The following KCNJ15 variants were observed in gnomAD, a reference collection of about 807,000 sequenced individuals.
KCNJ15 encodes the protein potassium inwardly rectifying channel subfamily J member 15, also known as ATP-sensitive inward rectifier potassium channel 15.
Under a neutral mutation model 23.0 loss-of-function variants are expected in KCNJ15, and 14 were observed. The observed-to-expected ratio is 0.61, with a 90% CI of 0.40 to 0.95. KCNJ15 has a LOEUF of 0.95. Among genes scored for constraint, KCNJ15 ranks in the 40% least tolerant of loss-of-function variants. The pLI, the probability that KCNJ15 is intolerant of heterozygous loss-of-function variation, is 0.00. For synonymous variants in KCNJ15, 185 were observed against 183.2 expected (o/e 1.01, Z -0.08); for missense variants, 388 against 461.8 (o/e 0.84, Z 1.46).
intron 1 of KCNJ15, among the ~76,000 whole-genome samples, chr21:38,264,142 C>T (rs1981215918): frequency 6.6e-6 from 1 of 152,218 alleles, no homozygotes; most frequent in Non-Finnish European, 1.5e-5. Context: ...CAACTGGGCA[C>T]TCACTGAATG....
At chr21:38,244,157 A>C (rs181642139) in intron 1 of KCNJ15, among the ~76,000 whole-genome samples, 15 of 152,272 alleles carry the variant, frequency 9.9e-5, no homozygotes, top group Admixed American at 8.5e-4. Context: ...GTTTATACAA[A>C]CTGAACCTGA....
chr21:38,300,659 C>A lies in KCNJ15; in HGVS notation c.*270C>A. ...ACATTTCTAAGAGCTTGGTGTAGGG[C>A]AATTGGAATAATGTCCTGTTAGATA... is the stretch of plus-strand genomic sequence containing the variant. On this transcript the variant is annotated 3_prime_UTR_variant, in exon 3 of 3. Transcript: ENST00000398938. 2.7e-6 allele frequency: 1 copy of A among 374,170 alleles called. No individual in the cohort carries two copies. 23.2% of individuals were successfully genotyped at this position (374,170 alleles called of 1,614,324 possible). A position where few individuals can be genotyped will look rare whatever the true frequency, so the allele number is the denominator to read the frequency against.
At chr21:38,288,018 G>GTTTTTTCTTTTTTTTTT (rs1569010852) in intron 1 of KCNJ15, among the ~76,000 whole-genome samples, 2 of 26,018 alleles carry the variant, frequency 7.7e-5, no homozygotes, top group African/African-American at 1.9e-4. Flanking sequence ...TAAATAACTT[G>GTTTTTTCTTTTTTTTTT]TTTTTTTCTT....
At chr21:38,238,360 A>C (rs1324287154) in intron 1 of KCNJ15, 2 of 717,120 alleles carry the variant, frequency 2.8e-6, no homozygotes, top group Non-Finnish European at 5.2e-6. Flanking sequence ...CCAGTGGGAC[A>C]GGAAACTCGA....
intron 1 of KCNJ15, among the ~76,000 whole-genome samples, chr21:38,249,689 C>T (rs753291288): frequency 6.6e-6 from 1 of 152,188 alleles, no homozygotes; most frequent in Non-Finnish European, 1.5e-5. Flanking sequence ...GACTTTGGCT[C>T]AGTCATAATT....
chr21:38,265,532 G>A (rs1275701929), intron 1 of KCNJ15, among the ~76,000 whole-genome samples: 2 of 152,188 alleles, frequency 1.3e-5, no homozygotes, highest in Non-Finnish European at 2.9e-5. Context: ...TATTTGATGG[G>A]TTTTTAAATC....
chr21:38,247,354 A>G (rs1223455668), intron 1 of KCNJ15, among the ~76,000 whole-genome samples: 3 of 54,008 alleles, frequency 5.6e-5, no homozygotes, highest in Non-Finnish European at 8.9e-5. Context: ...GCATAGGTGG[A>G]TGGATGGATG....
chr21:38,238,299 A>G, intron 1 of KCNJ15: 1 of 711,306 alleles, frequency 1.4e-6, no homozygotes, highest in Non-Finnish European at 2.7e-6. Context: ...TCTCACACAC[A>G]TACGCAGTGG....
intron 1 of KCNJ15, among the ~76,000 whole-genome samples, chr21:38,249,540 A>G (rs894074291): frequency 3.3e-5 from 5 of 152,254 alleles, no homozygotes; most frequent in African/African-American, 1.2e-4. Context: ...GAATAAATGC[A>G]TGGAGGTGAA....
In KCNJ15 at chr21:38,300,063, A is replaced by G; in HGVS notation, c.802A>G (p.Thr268Ala). Residue 268 changes from threonine (T) to alanine (A), a missense_variant, in exon 3 of 3, where the codon ACA (threonine) becomes GCA (alanine). Thr to Ala is a moderately conservative substitution (Grantham distance 58, BLOSUM62 0). Transcript: ENST00000398938. Reference sequence around the variant, plus strand: ...TGAGACGAGCCCCCTGAGAGACCTCACACCCCAAAACCTAAAGGAGAAGGA... The same window carrying G: ...TGAGACGAGCCCCCTGAGAGACCTCGCACCCCAAAACCTAAAGGAGAAGGA... ...LDETSPLRDL[T>A]PQNLKEKEFE... The G allele has an allele frequency of 6.2e-7, 1 of 1,614,088 alleles. No individual in the cohort carries two copies. Among genetic ancestry groups the G allele is most frequent in the Non-Finnish European group, 8.5e-7 (1 of 1,179,998 alleles).
In KCNJ15 at chr21:38,296,961, A is replaced by G; in HGVS notation, c.-81A>G. The G allele has an allele frequency of 6.5e-6, 1 of 152,774 alleles. No homozygotes were observed. The highest frequency in any genetic ancestry group is 1.5e-5 in the Non-Finnish European group (1 of 68,144). The allele number at this position is 152,774 out of a possible 1,614,324, so 9.5% of individuals were successfully genotyped here. Reference sequence around the variant, plus strand: ...AATCCCATGGTAGCCAGGTGGGTGAAGGGGAGCGAGGACGTTCTACCTGCC... The same window carrying G: ...AATCCCATGGTAGCCAGGTGGGTGAGGGGGAGCGAGGACGTTCTACCTGCC... On this transcript the variant is annotated 5_prime_UTR_variant, in exon 2 of 3. Coordinates refer to ENST00000398938, the MANE Select transcript of KCNJ15 (RefSeq NM_170736.3).
At chr21:38,242,260 A>T (rs1360160613) in intron 1 of KCNJ15, among the ~76,000 whole-genome samples, 1 of 152,160 alleles carries the variant, frequency 6.6e-6, no homozygotes, top group Non-Finnish European at 1.5e-5. Flanking sequence ...AACCAGCAAT[A>T]TGGTAGTTAT....
chr21:38,263,270 A>C (rs927812763), intron 1 of KCNJ15, among the ~76,000 whole-genome samples: 1 of 152,156 alleles, frequency 6.6e-6, no homozygotes, highest in African/African-American at 2.4e-5. Flanking sequence ...GTCAGGGGAC[A>C]GGGGTGATTC....
At chr21:38,249,931 T>C (rs1030936053) in intron 1 of KCNJ15, among the ~76,000 whole-genome samples, 1 of 152,222 alleles carries the variant, frequency 6.6e-6, no homozygotes, top group African/African-American at 2.4e-5. Context: ...TAGGAAATGT[T>C]TGCTGAATTA....
intron 1 of KCNJ15, chr21:38,296,482 T>A (rs1985169245): frequency 6.6e-6 from 1 of 152,250 alleles, no homozygotes; most frequent in African/African-American, 2.4e-5. Flanking sequence ...CTGTGTCAAG[T>A]GGGATGGTTC....
intron 1 of KCNJ15, among the ~76,000 whole-genome samples, chr21:38,259,542 C>T (rs2836249): frequency 0.76 from 116,333 of 152,216 alleles, 45,095 homozygotes; most frequent in African/African-American, 0.89. Context: ...AATTCCACAC[C>T]GAAAATTGTC....
intron 1 of KCNJ15, among the ~76,000 whole-genome samples, chr21:38,287,175 G>A (rs1004137775): frequency 6.6e-6 from 1 of 152,142 alleles, no homozygotes; most frequent in African/African-American, 2.4e-5. Flanking sequence ...AATGTTAAGA[G>A]CCCCTGAGCT....
upstream of KCNJ15, among the ~76,000 whole-genome samples, chr21:38,253,716 T>C (rs572736229): frequency 6.6e-6 from 1 of 152,316 alleles, no homozygotes; most frequent in East Asian, 1.9e-4. Context: ...TTGGAAATTA[T>C]TCTTGGGAAA....
rs1981172214 is a variant in KCNJ15, at chr21:38,263,763, C to A, written c.-117+6578C>A. ...AAGTTGTACTACTGGGGCCTGACTA[C>A]CTCTGCATGTGACTGGCCAGCCTTC... On this transcript the variant is annotated intron_variant, in intron 1 of 2. Transcript: ENST00000398938. Among the ~76,000 whole-genome samples the A allele has an allele frequency of 3.3e-5, 5 of 152,302 alleles. No homozygotes were observed. The South Asian group carries it at 6.2e-4, about 19-fold the overall frequency.
Sources: allele counts gnomAD v4.1 joint callset (sites outside exome capture counted in the v4.1 genomes callset), GRCh38; gene constraint gnomAD v4.1.1; transcripts MANE v1.5; gene names NCBI Gene and HGNC (gene_info 2026-07-23, HGNC 2026-07-21).